The following MED15 variants were observed in gnomAD, a reference collection of about 807,000 sequenced individuals.
MED15 encodes mediator complex subunit 15, also known as mediator of RNA polymerase II transcription subunit 15.
Under a neutral mutation model 118.7 loss-of-function variants are expected in MED15, and 41 were observed. The ratio of observed to expected loss-of-function variants is 0.35; its 90% CI spans 0.27 to 0.45. The LOEUF (loss-of-function observed/expected upper bound fraction) is 0.45. Ranked by LOEUF, MED15 falls within the 20% of genes least tolerant of loss-of-function variation. The probability of loss-of-function intolerance (pLI) is 1.00; values close to 1 mark genes in which losing one functional copy is unlikely to be tolerated. For missense variants in MED15, 740 were observed against 1,025.5 expected, an observed-to-expected ratio of 0.72 and a Z score of 3.80; for synonymous variants, 436 against 413.9, an observed-to-expected ratio of 1.05 and a Z score of -0.65.
chr22:20,516,059 G>A (rs540498025), intron 1 of MED15, among the ~76,000 whole-genome samples: 45 of 151,570 alleles, frequency 3.0e-4, no homozygotes, highest in African/African-American at 9.7e-4. Flanking sequence ...GCTCACACCT[G>A]TAATCCCAGC....
At chr22:20,580,255 G>A (rs1018857779) in intron 9 of MED15, among the ~76,000 whole-genome samples, 2 of 152,164 alleles carry the variant, frequency 1.3e-5, no homozygotes, top group African/African-American at 4.8e-5. Context: ...CCGCTTCAGG[G>A]CCAAAGTGGG....
At chr22:20,569,135 C>G (rs964363921) in intron 8 of MED15, among the ~76,000 whole-genome samples, 1 of 152,096 alleles carries the variant, frequency 6.6e-6, no homozygotes, top group African/African-American at 2.4e-5. Flanking sequence ...GCCACTCCCA[C>G]ATTGCTGAGC....
intron 1 of MED15, chr22:20,523,759 A>G (rs1275153779): frequency 1.2e-5 from 12 of 985,450 alleles, no homozygotes; most frequent in Middle Eastern, 5.2e-4. Flanking sequence ...TCAGAAGTCA[A>G]ACCAACAGAT....
At chr22:20,560,495 C>CTATCT in intron 5 of MED15, among the ~76,000 whole-genome samples, 2 of 152,286 alleles carry the variant, frequency 1.3e-5, no homozygotes, top group Middle Eastern at 6.8e-3. Flanking sequence ...GATCTCCAGA[C>CTATCT]CTTGTGATCT....
rs202242746 is a variant in MED15, at chr22:20,538,085, GC to G, written c.156+883del. ...TTTAGGATATTCACAGAGTTGTGTG[GC>G]CATCACCAAAATCTAATTTTGGAAC... On this transcript the variant is annotated intron_variant, in intron 2 of 17. Coordinates refer to ENST00000263205, the MANE Select transcript of MED15 (RefSeq NM_001003891.3). 8.7e-4 allele frequency among the ~76,000 whole-genome samples: 132 copies of G among 152,270 alleles called. No individual in the cohort carries two copies. The East Asian group carries it at 0.025, about 28-fold the overall frequency.
chr22:20,528,831 C>T (rs996759917), intron 1 of MED15, among the ~76,000 whole-genome samples: 5 of 152,200 alleles, frequency 3.3e-5, no homozygotes, highest in African/African-American at 4.8e-5. Context: ...GGTGGGTTGG[C>T]CCCCTAGTCC....
At chr22:20,570,789 C>G (rs1284055914) in intron 8 of MED15, among the ~76,000 whole-genome samples, 1 of 92,450 alleles carries the variant, frequency 1.1e-5, no homozygotes, top group African/African-American at 4.6e-5. Flanking sequence ...CAGAGTCTTG[C>G]TCTCTCACCT....
chr22:20,568,591 A>T lies in MED15; in HGVS notation c.1112A>T (p.Gln371Leu). ...GTGCAGCAGCAGCAGACAGCAGTAC[A>T]GACAGCTCAGGCTGCCCAGATGGTG... ...PQVQQQQTAV[Q>L]TAQAAQMVAP... is the part of the protein sequence containing the mutation. The change falls in exon 8 of 18, where the codon CAG becomes CTG. Residue 371 changes from glutamine to leucine, a missense_variant. Around this residue, in one of 7 missense-constraint regions of MED15, gnomAD observed 384 missense variants for 506.3 expected, o/e 0.76. Transcript: ENST00000263205. The T allele has an allele frequency of 6.2e-7, 1 of 1,613,870 alleles. No individual in the cohort carries two copies. Among genetic ancestry groups the T allele is most frequent in the Non-Finnish European group, 8.5e-7 (1 of 1,180,002 alleles).
chr22:20,565,080 G>A (rs750848273), intron 6 of MED15, among the ~76,000 whole-genome samples: 8 of 152,196 alleles, frequency 5.3e-5, no homozygotes, highest in African/African-American at 9.7e-5. Flanking sequence ...AGCCGAGATC[G>A]CGCCGCTGCG....
chr22:20,585,667 G>T (rs901418604), intron 16 of MED15, 61 bp from the exon 17 acceptor site: 1 of 1,492,498 alleles, frequency 6.7e-7, no homozygotes. Context: ...CCAGAGCAGG[G>T]CTGTGAGGCA....
intron 1 of MED15, among the ~76,000 whole-genome samples, chr22:20,530,671 A>G (rs924462600): frequency 6.6e-6 from 1 of 152,090 alleles, no homozygotes; most frequent in South Asian, 2.1e-4. Context: ...TTGTGGAAGG[A>G]AGAGTCAGGG....
chr22:20,553,910 G>A (rs1015038209), intron 4 of MED15, among the ~76,000 whole-genome samples: 16 of 152,186 alleles, frequency 1.1e-4, no homozygotes, highest in Admixed American at 2.6e-4. Context: ...AAATTTCAGC[G>A]TTTATCACAT....
At chr22:20,572,046 G>C (rs1305836168) in intron 8 of MED15, among the ~76,000 whole-genome samples, 2 of 152,204 alleles carry the variant, frequency 1.3e-5, no homozygotes, top group African/African-American at 4.8e-5. Context: ...AATGTCTCTT[G>C]CCATCCTCAG....
rs1370666614 is a variant in MED15 at position 20,557,038 on chromosome 22, T to G, written c.451+1890T>G. Among the ~76,000 whole-genome samples, 14 of 152,350 alleles carry G rather than the reference T, an allele frequency of 9.2e-5. No individual in the cohort carries two copies. The East Asian group carries it at 2.7e-3, about 29-fold the overall frequency. On this transcript the variant is annotated intron_variant, in intron 5 of 17. Transcript: ENST00000263205. Reference sequence around the variant, plus strand: ...CATTTGGGTTGTTTCCTGCTTTTGCTTACTATTATGCAAACAAAGCTGCTG... The same window carrying G: ...CATTTGGGTTGTTTCCTGCTTTTGCGTACTATTATGCAAACAAAGCTGCTG...
intron 1 of MED15, among the ~76,000 whole-genome samples, chr22:20,532,381 CTG>C (rs2054895039): frequency 6.6e-6 from 1 of 152,156 alleles, no homozygotes; most frequent in Non-Finnish European, 1.5e-5. Flanking sequence ...TTAAGACACA[CTG>C]TGTTCTGGGA....
chr22:20,585,591 CAGAG>C, intron 16 of MED15, 133 bp from the exon 17 acceptor site: 1 of 813,250 alleles, frequency 1.2e-6, no homozygotes, highest in Admixed American at 2.2e-5. Flanking sequence ...ATCTGAGAGT[CAGAG>C]AGACCTCCTC....
intron 5 of MED15, among the ~76,000 whole-genome samples, chr22:20,557,701 G>A (rs1322061020): frequency 2.0e-5 from 3 of 152,326 alleles, no homozygotes; most frequent in South Asian, 4.1e-4. Context: ...TTTGTCAGAA[G>A]TTCAGTGGTG....
chr22:20,517,480 T>C (rs1028314443), intron 1 of MED15, among the ~76,000 whole-genome samples: 25 of 152,312 alleles, frequency 1.6e-4, no homozygotes, highest in African/African-American at 5.3e-4. Flanking sequence ...GCAGCCGTTC[T>C]CCAAGGAGAC....
intron 1 of MED15, chr22:20,508,424 A>G (rs2053949229): frequency 3.8e-6 from 5 of 1,302,960 alleles, no homozygotes; most frequent in Non-Finnish European, 5.1e-6. Flanking sequence ...CCGTGTGAAG[A>G]GACCACCAAA....
Sources: allele counts gnomAD v4.1 joint callset (sites outside exome capture counted in the v4.1 genomes callset), GRCh38; gene constraint gnomAD v4.1.1; regional missense constraint gnomAD v4.1.1; transcripts MANE v1.5; gene names NCBI Gene and HGNC (gene_info 2026-07-23, HGNC 2026-07-21).